Variants in DLGAP2 observed in about 807,000 individuals in gnomAD.
DLGAP2 encodes the protein disks large-associated protein 2.
DLGAP2 carries 26 observed loss-of-function variants against 100.3 expected under a neutral mutation model. That is an observed-to-expected ratio of 0.26 (90% CI 0.19 to 0.36). The LOEUF (loss-of-function observed/expected upper bound fraction) is 0.36. Ranked by LOEUF, DLGAP2 falls within the 10% of genes least tolerant of loss-of-function variation. The pLI is 1.00. For missense variants in DLGAP2, 1,858 were observed against 1,453.2 expected (o/e 1.28, Z -4.53); for synonymous variants, 886 against 630.1 (o/e 1.41, Z -6.08).
intron 2 of DLGAP2, among the ~76,000 whole-genome samples, chr8:917,909 ATC>A (rs1299998641): frequency 1.3e-5 from 2 of 152,166 alleles, no homozygotes; most frequent in East Asian, 3.9e-4. Flanking sequence ...GGTAAAGTTG[ATC>A]AAAATGAATA....
chr8:1,573,472 C>T (rs1802834018), intron 6 of DLGAP2, among the ~76,000 whole-genome samples: 1 of 151,952 alleles, frequency 6.6e-6, no homozygotes, highest in Non-Finnish European at 1.5e-5. Flanking sequence ...ATTGAGAAGA[C>T]AGAAAGGGTG....
intron 2 of DLGAP2, among the ~76,000 whole-genome samples, chr8:975,830 T>C (rs80347348): frequency 1.3e-5 from 2 of 152,126 alleles, no homozygotes; most frequent in Non-Finnish European, 2.9e-5. Flanking sequence ...CAAAACACTC[T>C]TACCATGTTG....
intron 4 of DLGAP2, among the ~76,000 whole-genome samples, chr8:1,523,636 G>A (rs1432429437): frequency 6.6e-6 from 1 of 152,222 alleles, no homozygotes; most frequent in East Asian, 1.9e-4. Context: ...GCAGGGCTTT[G>A]GTGGTCCATA....
At chr8:1,629,467 C>A (rs528585839) in intron 7 of DLGAP2, among the ~76,000 whole-genome samples, 1 of 152,212 alleles carries the variant, frequency 6.6e-6, no homozygotes, top group South Asian at 2.1e-4. Context: ...TCCTCCCCAA[C>A]TAGATAATTG....
At chr8:1,331,610 G>C (rs557579978) in intron 3 of DLGAP2, among the ~76,000 whole-genome samples, 21 of 152,240 alleles carry the variant, frequency 1.4e-4, no homozygotes, top group African/African-American at 4.8e-4. Flanking sequence ...TGTTTTTCTT[G>C]GATGCTTCTT....
chr8:1,681,456 G>A lies in DLGAP2; in HGVS notation c.2704+2827G>A, dbSNP rs184562848. On this transcript the variant is annotated intron_variant, in intron 12 of 14. Coordinates refer to ENST00000637795, the MANE Select transcript of DLGAP2 (RefSeq NM_001346810.2). ...TAGACCAGCCTGGACAACACAGTGA[G>A]ACCTTGTCTCTACCAAAAAAAATAA... Among the ~76,000 whole-genome samples, 1,425 of 152,078 alleles carry A rather than the reference G, an allele frequency of 9.4e-3. 25 individuals are homozygous for A. The highest frequency in any genetic ancestry group is 0.03 in the African/African-American group (1,242 of 41,480).
At chr8:1,018,162 C>T (rs1312127018) in intron 2 of DLGAP2, among the ~76,000 whole-genome samples, 1 of 151,944 alleles carries the variant, frequency 6.6e-6, no homozygotes, top group Non-Finnish European at 1.5e-5. Flanking sequence ...CAGTCAGATG[C>T]ATTATCCTAG....
rs117761185 is a variant in DLGAP2 at position 1,410,201 on chromosome 8, T to C, written c.107-91165T>C. On this transcript the variant is annotated intron_variant, in intron 3 of 14. Coordinates refer to ENST00000637795, the MANE Select transcript of DLGAP2 (RefSeq NM_001346810.2). ...CTGCAAGCTTCGATCAGGGCCCAGA[T>C]CATCTGGGAGTGGTTGGAATCTCAC... Among the ~76,000 whole-genome samples, 530 of 152,174 alleles carry C rather than the reference T, an allele frequency of 3.5e-3. 9 individuals are homozygous for C. In the East Asian group the frequency reaches 0.047, roughly 14 times the overall value.
At chr8:1,121,558 T>G (rs1015317603) in intron 2 of DLGAP2, among the ~76,000 whole-genome samples, 1 of 151,686 alleles carries the variant, frequency 6.6e-6, no homozygotes, top group African/African-American at 2.4e-5. Context: ...TGACCACCCA[T>G]CTTCTTCCCA....
chr8:1,444,708 C>T (rs1188525417), intron 3 of DLGAP2, among the ~76,000 whole-genome samples: 2 of 151,968 alleles, frequency 1.3e-5, no homozygotes, highest in African/African-American at 2.4e-5. Flanking sequence ...CCCCTTTCTC[C>T]CCTGCTTACT....
chr8:1,381,286 A>G (rs1437685677), intron 3 of DLGAP2: 1 of 152,186 alleles, frequency 6.6e-6, no homozygotes, highest in Non-Finnish European at 1.5e-5. Flanking sequence ...TGGCTGACAG[A>G]TTGGCAAAGA....
At chr8:1,600,869 C>G (rs1796603061) in intron 6 of DLGAP2, among the ~76,000 whole-genome samples, 1 of 152,130 alleles carries the variant, frequency 6.6e-6, no homozygotes, top group Admixed American at 6.5e-5. Context: ...AAACCTACTT[C>G]TATAATTTGC....
At chr8:1,652,733 C>T (rs1489262868) in intron 8 of DLGAP2, among the ~76,000 whole-genome samples, 1 of 152,166 alleles carries the variant, frequency 6.6e-6, no homozygotes. Context: ...TTCTGTCATT[C>T]TTGAAGTCAG....
chr8:1,458,990 G>C (rs371908650), intron 3 of DLGAP2, among the ~76,000 whole-genome samples: 4 of 152,230 alleles, frequency 2.6e-5, no homozygotes, highest in East Asian at 3.9e-4. Context: ...TCTACCCGAG[G>C]GGTCACCCTA....
At position 1,678,576 on chromosome 8, in the gene DLGAP2, G is replaced by T. The variant is rs941140903; in HGVS notation, c.2651G>T (p.Gly884Val). 3 of 1,582,236 alleles carry T rather than the reference G, an allele frequency of 1.9e-6. No homozygotes were observed. The highest frequency in any genetic ancestry group is 2.6e-6 in the Non-Finnish European group (3 of 1,164,520). The change falls in exon 12 of 15, where the codon GGC becomes GTC. Residue 884 changes from glycine to valine, a missense_variant. Gly to Val is a moderately radical substitution (Grantham distance 109). Transcript: ENST00000637795. ...LLHAETKRME[G>V]WCKEMEREAE... is the part of the protein sequence containing the mutation. Reference sequence around the variant, plus strand: ...CACGCAGAGACAAAGAGGATGGAAGGCTGGTGCAAAGAGATGGAGAGAGAG... The same window carrying T: ...CACGCAGAGACAAAGAGGATGGAAGTCTGGTGCAAAGAGATGGAGAGAGAG...
chr8:1,463,872 C>T (rs1382699385), intron 3 of DLGAP2, among the ~76,000 whole-genome samples: 1 of 152,210 alleles, frequency 6.6e-6, no homozygotes, highest in Non-Finnish European at 1.5e-5. Context: ...GGTTTTCTTT[C>T]CATCTTGTGA....
chr8:1,498,705 C>T (rs147902894), intron 3 of DLGAP2, among the ~76,000 whole-genome samples: 21 of 152,294 alleles, frequency 1.4e-4, no homozygotes, highest in African/African-American at 4.1e-4. Context: ...TTTAATAAAA[C>T]GTATGTGAAT....
At chr8:1,649,775 T>G (rs1183002217) in intron 8 of DLGAP2, among the ~76,000 whole-genome samples, 3 of 152,218 alleles carry the variant, frequency 2.0e-5, no homozygotes, top group Non-Finnish European at 4.4e-5. Flanking sequence ...TTTTTAAACG[T>G]AAGTCATGGG....
intron 6 of DLGAP2, among the ~76,000 whole-genome samples, chr8:1,590,762 C>T (rs1049938398): frequency 7.9e-5 from 12 of 152,164 alleles, no homozygotes; most frequent in African/African-American, 2.7e-4. Flanking sequence ...GCTCCTGGGT[C>T]CTGAGGGACA....
Sources: gnomAD v4.1 joint callset for allele counts (sites outside exome capture counted in the v4.1 genomes callset) on GRCh38, gnomAD v4.1.1 for gene constraint, MANE v1.5 for transcripts, NCBI Gene and HGNC (gene_info 2026-07-23, HGNC 2026-07-21) for gene names.